The following PCDH11X variants were observed in gnomAD, a reference collection of about 807,000 sequenced individuals.
PCDH11X encodes protocadherin-11 X-linked.
PCDH11X carries 18 observed loss-of-function variants against 53.3 expected under a neutral mutation model. That is an observed-to-expected ratio of 0.34 (90% CI 0.23 to 0.50). The LOEUF (loss-of-function observed/expected upper bound fraction) is 0.50. Ranked by LOEUF, PCDH11X falls within the 20% of genes least tolerant of loss-of-function variation. The pLI is 0.98. For synonymous variants in PCDH11X, 279 were observed against 393.3 expected, an observed-to-expected ratio of 0.71 and a Z score of 3.44; for missense variants, 570 against 1,032.4, an observed-to-expected ratio of 0.55 and a Z score of 6.14.
chrX:92,332,368 A>G (rs2069510760), intron 8 of PCDH11X, among the ~76,000 whole-genome samples: 1 of 109,555 alleles, frequency 9.1e-6, no homozygotes, highest in South Asian at 3.7e-4. Context: ...CCAAACTTTT[A>G]CTTGTGTATA....
rs141072327 is a variant in PCDH11X, at chrX:92,560,883, G to A, written c.3368-57381G>A. 2.0e-3 allele frequency among the ~76,000 whole-genome samples: 216 copies of A among 109,134 alleles called. 8 individuals carry two copies. Among genetic ancestry groups the A allele is most frequent in the African/African-American group, 6.9e-3 (203 of 29,378 alleles). The allele number at this position is 109,134 out of a possible 115,157, so 94.8% of individuals were successfully genotyped here. On this transcript the variant is annotated intron_variant, in intron 10 of 10. Coordinates refer to ENST00000682573, the MANE Select transcript of PCDH11X (RefSeq NM_032968.5). ...CATCACCCTTAAGAAAAGCGTCTTG[G>A]GCAAGACCCAGTGCTGTGCTGGCTT...
intron 6 of PCDH11X, among the ~76,000 whole-genome samples, chrX:92,183,233 AT>A (rs1358485896): frequency 2.9e-5 from 3 of 102,476 alleles, no homozygotes; most frequent in African/African-American, 1.1e-4. Context: ...CTATTTGCAT[AT>A]CATCTAGAGA....
chrX:92,537,319 C>G (rs1448497101), intron 10 of PCDH11X, among the ~76,000 whole-genome samples: 1 of 107,320 alleles, frequency 9.3e-6, no homozygotes, highest in Non-Finnish European at 1.9e-5. Context: ...AGTGAAAGAA[C>G]TCTACAATGA....
intron 5 of PCDH11X, among the ~76,000 whole-genome samples, chrX:91,871,838 G>A (rs1367135807): frequency 9.0e-6 from 1 of 110,883 alleles, no homozygotes; most frequent in Non-Finnish European, 1.9e-5. Context: ...TTTTTGTCTT[G>A]GGTTTGCAAT....
chrX:92,013,571 A>C (rs1235449800), intron 6 of PCDH11X, among the ~76,000 whole-genome samples: 1 of 111,810 alleles, frequency 8.9e-6, no homozygotes, highest in Non-Finnish European at 1.9e-5. Flanking sequence ...GCCTGCATTG[A>C]CAAGTCAATC....
intron 10 of PCDH11X, among the ~76,000 whole-genome samples, chrX:92,524,649 A>G (rs1356123296): frequency 1.9e-5 from 2 of 107,431 alleles, no homozygotes; most frequent in Non-Finnish European, 3.8e-5. Context: ...TTTTTTTTCT[A>G]AGACCAATTA....
intron 6 of PCDH11X, among the ~76,000 whole-genome samples, chrX:92,107,491 C>T (rs1183100724): frequency 1.8e-5 from 2 of 112,181 alleles, no homozygotes; most frequent in African/African-American, 6.5e-5. Flanking sequence ...AATCCCAGTA[C>T]TTTGGGAGGC....
At chrX:92,083,815 G>A (rs1437537603) in intron 6 of PCDH11X, among the ~76,000 whole-genome samples, 4 of 111,361 alleles carry the variant, frequency 3.6e-5, no homozygotes, top group Non-Finnish European at 7.5e-5. Context: ...TTAGAGCCAG[G>A]CACGGTGGCT....
intron 8 of PCDH11X, among the ~76,000 whole-genome samples, chrX:92,369,627 A>G (rs1471959441): frequency 1.8e-5 from 2 of 110,906 alleles, no homozygotes; most frequent in Non-Finnish European, 3.8e-5. Context: ...CTTGAAACCC[A>G]GGGCCCTGGT....
At chrX:92,470,454 G>GAT (rs1224395214) in intron 10 of PCDH11X, among the ~76,000 whole-genome samples, 1 of 103,016 alleles carries the variant, frequency 9.7e-6, no homozygotes, top group African/African-American at 3.5e-5. Context: ...TCTCTTGTCT[G>GAT]ATTGCTCTAG....
At position 92,458,126 on chromosome X, in the gene PCDH11X, C is replaced by T. The variant is rs1485938123; in HGVS notation, c.3344-10173C>T. Among the ~76,000 whole-genome samples, 5 of 100,762 alleles carry T rather than the reference C, an allele frequency of 5.0e-5. No individual in the cohort carries two copies. The East Asian group carries it at 1.3e-3, about 25-fold the overall frequency. The allele number at this position is 100,762 out of a possible 115,157, so 87.5% of individuals were successfully genotyped here. The stretch of plus-strand genomic sequence containing the variant: ...TGTGTGCAGAGCTTAATATGTTTAG[C>T]AAGGCATACGAACATACAGAAAGAG... On this transcript the variant is annotated intron_variant, in intron 9 of 10. Coordinates refer to ENST00000682573, the MANE Select transcript of PCDH11X (RefSeq NM_032968.5).
At chrX:91,979,095 G>A (rs1386961643) in intron 6 of PCDH11X, among the ~76,000 whole-genome samples, 1 of 111,491 alleles carries the variant, frequency 9.0e-6, no homozygotes, top group Non-Finnish European at 1.9e-5. Flanking sequence ...ATAAAATTCA[G>A]ACTGAACATA....
chrX:92,148,793 TAC>T (rs1165672428), intron 6 of PCDH11X, among the ~76,000 whole-genome samples: 150 of 107,036 alleles, frequency 1.4e-3, no homozygotes, highest in African/African-American at 4.8e-3. Flanking sequence ...TATATATATA[TAC>T]ACACACACAC....
rs200620081 is a variant in PCDH11X, at chrX:92,148,040, C to CCCTT, written c.3034-53318_3034-53315dup. 2.2e-3 allele frequency among the ~76,000 whole-genome samples: 118 copies of CCCTT among 53,903 alleles called. 7 individuals carry two copies. Among genetic ancestry groups the CCCTT allele is most frequent in the African/African-American group, 8.8e-3 (63 of 7,158 alleles). 46.8% of individuals were successfully genotyped at this position (53,903 alleles called of 115,157 possible). On this transcript the variant is annotated intron_variant, in intron 6 of 10. Coordinates refer to ENST00000682573, the MANE Select transcript of PCDH11X (RefSeq NM_032968.5). ...CCTTCCTTCCTTCCTTTCCTTCTTTCCCTTCCTTCCTTCCTTCCTTTCTTT... is the reference window on the plus strand; with the variant it reads ...CCTTCCTTCCTTCCTTTCCTTCTTTCCCTTCCTTCCTTCCTTCCTTCCTTTCTTT...
intron 8 of PCDH11X, among the ~76,000 whole-genome samples, chrX:92,336,822 T>A (rs1371388514): frequency 2.7e-5 from 3 of 111,699 alleles, no homozygotes; most frequent in Non-Finnish European, 5.6e-5. Context: ...CATAAGGTTT[T>A]TTTTTAAGAA....
rs184610696 is a variant in PCDH11X, at chrX:92,018,750, A to G, written c.3033+139477A>G. Reference sequence around the variant, plus strand: ...GAGCCATGTACGTGTTTGCATGTGTACACACACACATACACACACATTGCC... The same window carrying G: ...GAGCCATGTACGTGTTTGCATGTGTGCACACACACATACACACACATTGCC... On this transcript the variant is annotated intron_variant, in intron 6 of 10. Transcript: ENST00000682573. Among the ~76,000 whole-genome samples the G allele has an allele frequency of 2.0e-3, 223 of 112,538 alleles. 1 individual carries two copies. The highest frequency in any genetic ancestry group is 0.017 in the East Asian group (61 of 3,571).
intron 5 of PCDH11X, among the ~76,000 whole-genome samples, chrX:91,848,521 T>C (rs1937821766): frequency 8.9e-6 from 1 of 112,027 alleles, no homozygotes; most frequent in African/African-American, 3.2e-5. Flanking sequence ...AATCTAATTA[T>C]TTTTGTTATA....
At chrX:92,405,985 C>T (rs5984951) in intron 9 of PCDH11X, among the ~76,000 whole-genome samples, 38,701 of 103,777 alleles carry the variant, frequency 0.37, 6,324 homozygotes, top group Non-Finnish European at 0.48. Context: ...GTCCCAGCTA[C>T]GCGGGAGGCT....
At chrX:92,072,243 C>T (rs1273104941) in intron 6 of PCDH11X, among the ~76,000 whole-genome samples, 1 of 110,808 alleles carries the variant, frequency 9.0e-6, no homozygotes, top group Non-Finnish European at 1.9e-5. Flanking sequence ...AGAGCCTAGG[C>T]GTGAACTCAG....
Sources: gnomAD v4.1 joint callset for allele counts (sites outside exome capture counted in the v4.1 genomes callset) on GRCh38, gnomAD v4.1.1 for gene constraint, MANE v1.5 for transcripts, NCBI Gene and HGNC (gene_info 2026-07-23, HGNC 2026-07-21) for gene names.